SOX5: variants seen among roughly 807,000 people sequenced by gnomAD.
SOX5 encodes the protein SRY-box transcription factor 5.
A neutral mutation model predicts 92.0 loss-of-function variants in SOX5; 9 were observed. The observed-to-expected ratio is 0.10, with a 90% confidence interval of 0.06 to 0.17. The LOEUF (loss-of-function observed/expected upper bound fraction) is 0.17. SOX5 is among the 10% of genes least tolerant of loss of function. The probability of loss-of-function intolerance (pLI) is 1.00; values close to 1 mark genes in which losing one functional copy is unlikely to be tolerated. For missense variants in SOX5, 642 were observed against 944.5 expected, an observed-to-expected ratio of 0.68 and a Z score of 4.20; for synonymous variants, 344 against 336.3, an observed-to-expected ratio of 1.02 and a Z score of -0.25.
intron 4 of SOX5, among the ~76,000 whole-genome samples, chr12:24,050,446 T>G (rs779795187): frequency 1.7e-4 from 26 of 152,150 alleles, no homozygotes; most frequent in Non-Finnish European, 4.4e-5. Context: ...TCTGTTTATA[T>G]TTTACTTTGA....
chr12:23,637,319 G>T (rs4963706), intron 8 of SOX5, among the ~76,000 whole-genome samples: 1 of 151,930 alleles, frequency 6.6e-6, no homozygotes, highest in Non-Finnish European at 1.5e-5. Flanking sequence ...AAACATACAC[G>T]AACAGATTAA....
chr12:24,495,260 C>G (rs935284602), intron 1 of SOX5, among the ~76,000 whole-genome samples: 3 of 152,002 alleles, frequency 2.0e-5, no homozygotes, highest in African/African-American at 7.2e-5. Context: ...CAGTATGGAC[C>G]AAATATAAGT....
intron 1 of SOX5, among the ~76,000 whole-genome samples, chr12:24,559,780 T>C (rs558851075): frequency 6.6e-6 from 1 of 152,306 alleles, no homozygotes; most frequent in African/African-American, 2.4e-5. Flanking sequence ...AGATAGCATC[T>C]TTCCAAGTGT....
intron 4 of SOX5, among the ~76,000 whole-genome samples, chr12:24,049,884 T>A (rs1443365219): frequency 6.6e-6 from 1 of 151,920 alleles, no homozygotes; most frequent in African/African-American, 2.4e-5. Context: ...GTGCAATTTG[T>A]CCATGTTTTA....
At chr12:23,932,403 A>T (rs1380066624) in intron 1 of SOX5, among the ~76,000 whole-genome samples, 1 of 151,642 alleles carries the variant, frequency 6.6e-6, no homozygotes, top group Non-Finnish European at 1.5e-5. Context: ...AAAAGACATA[A>T]AAAGCATTAC....
chr12:23,609,584 G>A lies in SOX5; in HGVS notation c.1018-5051C>T, dbSNP rs539544716. Among the ~76,000 whole-genome samples the A allele has an allele frequency of 2.6e-5, 4 of 152,304 alleles. No homozygotes were observed. In the East Asian group the frequency reaches 7.7e-4, roughly 29 times the overall value. On this transcript the variant is annotated intron_variant, in intron 8 of 14. Coordinates refer to ENST00000451604, the MANE Select transcript of SOX5 (RefSeq NM_006940.6). The stretch of plus-strand genomic sequence containing the variant: ...TACAATGTATATGAAGTCTTCATAA[G>A]TATGTAAGTAATCTCACCCATCATC...
chr12:24,111,825 T>A (rs972435154), intron 4 of SOX5, among the ~76,000 whole-genome samples: 2 of 152,214 alleles, frequency 1.3e-5, no homozygotes, highest in Non-Finnish European at 2.9e-5. Flanking sequence ...CTTCAATCAT[T>A]ACTCATAAAT....
chr12:24,124,861 T>C (rs1419010832), intron 4 of SOX5, among the ~76,000 whole-genome samples: 1 of 152,242 alleles, frequency 6.6e-6, no homozygotes, highest in Non-Finnish European at 1.5e-5. Context: ...TAGTAGCATT[T>C]GTGACACATA....
chr12:23,652,236 A>T (rs759203500), intron 7 of SOX5, among the ~76,000 whole-genome samples: 1 of 151,986 alleles, frequency 6.6e-6, no homozygotes, highest in Admixed American at 6.6e-5. Context: ...TTCTCTAATT[A>T]TATCTATACA....
intron 6 of SOX5, among the ~76,000 whole-genome samples, chr12:23,733,142 T>C (rs1222457602): frequency 6.6e-6 from 1 of 152,172 alleles, no homozygotes; most frequent in African/African-American, 2.4e-5. Context: ...AATCTATTTT[T>C]GCCATTCTGT....
intron 4 of SOX5, among the ~76,000 whole-genome samples, chr12:24,112,268 G>A (rs138280661): frequency 1.3e-5 from 2 of 152,280 alleles, no homozygotes; most frequent in East Asian, 3.9e-4. Context: ...TCCAGCCTGT[G>A]ATCTATTCCT....
intron 2 of SOX5, among the ~76,000 whole-genome samples, chr12:24,346,793 C>G (rs1174228146): frequency 6.6e-6 from 1 of 151,936 alleles, no homozygotes; most frequent in African/African-American, 2.4e-5. Context: ...GTGGTGTACA[C>G]CGCATGTTCT....
At chr12:24,148,481 CAA>C (rs34951170) in intron 4 of SOX5, among the ~76,000 whole-genome samples, 4 of 53,590 alleles carry the variant, frequency 7.5e-5, no homozygotes, top group Admixed American at 2.6e-4. Context: ...GGCTCCATGT[CAA>C]AAAAAAAAAA....
At chr12:24,181,454 G>T (rs1324877347) in intron 4 of SOX5, among the ~76,000 whole-genome samples, 1 of 152,162 alleles carries the variant, frequency 6.6e-6, no homozygotes, top group African/African-American at 2.4e-5. Flanking sequence ...ATAACATACA[G>T]AAATAGCCAT....
intron 1 of SOX5, among the ~76,000 whole-genome samples, chr12:24,544,372 CT>C (rs1340783532): frequency 6.6e-6 from 1 of 152,002 alleles, no homozygotes; most frequent in African/African-American, 2.4e-5. Context: ...ATAAAGATAT[CT>C]TTTCATTATT....
At chr12:23,854,322 G>T (rs933154241) in intron 2 of SOX5, among the ~76,000 whole-genome samples, 1 of 151,422 alleles carries the variant, frequency 6.6e-6, no homozygotes, top group Non-Finnish European at 1.5e-5. Context: ...GTCCTCCCAT[G>T]CAGTAAAATA....
intron 3 of SOX5, among the ~76,000 whole-genome samples, chr12:24,275,593 T>C (rs76564513): frequency 0.034 from 5,118 of 152,258 alleles, 154 homozygotes; most frequent in East Asian, 0.096. Flanking sequence ...GCTCTACTGC[T>C]GAACAGTTAA....
intron 3 of SOX5, among the ~76,000 whole-genome samples, chr12:24,269,213 A>G (rs1943387985): frequency 6.6e-6 from 1 of 152,232 alleles, no homozygotes; most frequent in Non-Finnish European, 1.5e-5. Flanking sequence ...GTTAAAGCAA[A>G]GAGCTTGCTT....
intron 4 of SOX5, among the ~76,000 whole-genome samples, chr12:23,992,377 C>T (rs1392127924): frequency 1.3e-5 from 2 of 152,092 alleles, no homozygotes; most frequent in South Asian, 4.2e-4. Flanking sequence ...CTTGATCATA[C>T]TTACTTATAT....
Sources: gnomAD v4.1 joint callset for allele counts (sites outside exome capture counted in the v4.1 genomes callset) on GRCh38, gnomAD v4.1.1 for gene constraint, MANE v1.5 for transcripts, NCBI Gene and HGNC (gene_info 2026-07-23, HGNC 2026-07-21) for gene names.